The following PKNOX2 variants were observed in gnomAD, a reference collection of about 807,000 sequenced individuals.
The protein encoded by PKNOX2 is PBX/knotted 1 homeobox 2, also known as homeobox protein PKNOX2.
Under a neutral mutation model 53.1 loss-of-function variants are expected in PKNOX2, and 14 were observed. The ratio of observed to expected loss-of-function variants is 0.26; its 90% CI spans 0.17 to 0.41. The LOEUF (loss-of-function observed/expected upper bound fraction) is 0.41. Ranked by LOEUF, PKNOX2 falls within the 10% of genes least tolerant of loss-of-function variation. The probability of loss-of-function intolerance (pLI) is 1.00; values close to 1 mark genes in which losing one functional copy is unlikely to be tolerated. For missense variants in PKNOX2, 496 were observed against 602.8 expected, an observed-to-expected ratio of 0.82 and a Z score of 1.85; for synonymous variants, 257 against 242.8, an observed-to-expected ratio of 1.06 and a Z score of -0.54.
At chr11:125,408,242 G>A (rs918378810) in intron 7 of PKNOX2, among the ~76,000 whole-genome samples, 26 of 152,222 alleles carry the variant, frequency 1.7e-4, no homozygotes, top group African/African-American at 5.8e-4. Flanking sequence ...GCTTCCAGGG[G>A]CTCTTCCAGT....
intron 2 of PKNOX2, among the ~76,000 whole-genome samples, chr11:125,299,930 T>C (rs771775096): frequency 1.1e-4 from 16 of 152,360 alleles, no homozygotes; most frequent in Non-Finnish European, 1.9e-4. Flanking sequence ...CCCTGTCTGC[T>C]GCCCCTCACG....
chr11:125,257,486 G>C (rs907586782), intron 2 of PKNOX2, among the ~76,000 whole-genome samples: 2 of 152,204 alleles, frequency 1.3e-5, no homozygotes, highest in Admixed American at 1.3e-4. Flanking sequence ...GTTTATTCCA[G>C]CAATGGTTAG....
At chr11:125,292,127 C>T (rs1442604919) in intron 2 of PKNOX2, among the ~76,000 whole-genome samples, 1 of 152,118 alleles carries the variant, frequency 6.6e-6, no homozygotes, top group Non-Finnish European at 1.5e-5. Flanking sequence ...GAAGACCTAC[C>T]CATCATACTT....
At chr11:125,226,431 T>C (rs1941699092) in intron 1 of PKNOX2, among the ~76,000 whole-genome samples, 1 of 152,162 alleles carries the variant, frequency 6.6e-6, no homozygotes, top group Non-Finnish European at 1.5e-5. Context: ...ACCTTAAGGT[T>C]CTTCTTGCTC....
intron 5 of PKNOX2, among the ~76,000 whole-genome samples, chr11:125,383,129 G>A (rs1953368336): frequency 6.6e-6 from 1 of 152,164 alleles, no homozygotes; most frequent in Non-Finnish European, 1.5e-5. Context: ...CATAAAATGC[G>A]AGTGTGAGTG....
At chr11:125,201,234 A>C (rs115831323) in intron 1 of PKNOX2, among the ~76,000 whole-genome samples, 1,861 of 151,772 alleles carry the variant, frequency 0.012, 35 homozygotes, top group African/African-American at 0.042. Context: ...TCCACTTTCC[A>C]GTGGGGTTTG....
chr11:125,378,266 C>T (rs1591548508), intron 5 of PKNOX2, among the ~76,000 whole-genome samples: 1 of 152,256 alleles, frequency 6.6e-6, no homozygotes. Context: ...CAGAGCGCCA[C>T]CGATCCCTGC....
At chr11:125,397,328 G>A (rs1257241012) in intron 6 of PKNOX2, among the ~76,000 whole-genome samples, 2 of 152,234 alleles carry the variant, frequency 1.3e-5, no homozygotes, top group Non-Finnish European at 2.9e-5. Flanking sequence ...AGAATAGACA[G>A]TCCCTGAGCT....
At chr11:125,255,185 G>A (rs1040296038) in intron 2 of PKNOX2, among the ~76,000 whole-genome samples, 3 of 152,284 alleles carry the variant, frequency 2.0e-5, no homozygotes, top group Middle Eastern at 3.4e-3. Context: ...ATCAAAAATC[G>A]GCATTGTGAA....
chr11:125,390,771 C>T (rs1954001269), intron 6 of PKNOX2, among the ~76,000 whole-genome samples: 1 of 152,242 alleles, frequency 6.6e-6, no homozygotes, highest in Non-Finnish European at 1.5e-5. Flanking sequence ...CCACTTCTTT[C>T]CCAAATTCTG....
At chr11:125,177,103 A>T (rs1955766925) in intron 1 of PKNOX2, among the ~76,000 whole-genome samples, 1 of 152,208 alleles carries the variant, frequency 6.6e-6, no homozygotes, top group South Asian at 2.1e-4. Flanking sequence ...GCTCAGCACC[A>T]GCCACAGGGG....
chr11:125,371,436 G>T (rs1952539317), intron 5 of PKNOX2, among the ~76,000 whole-genome samples: 1 of 152,140 alleles, frequency 6.6e-6, no homozygotes, highest in Non-Finnish European at 1.5e-5. Context: ...GCCCATGCTG[G>T]TGAGGAGTCC....
rs192121733 is a variant in PKNOX2 at position 125,429,220 on chromosome 11, C to T, written c.1013+132C>T. 4.6e-6 allele frequency: 4 copies of T among 862,974 alleles called. No individual in the cohort carries two copies. In the East Asian group the frequency reaches 1.1e-4, roughly 24 times the overall value. 53.5% of individuals were successfully genotyped at this position (862,974 alleles called of 1,614,324 possible). On this transcript the variant is annotated intron_variant, in intron 11 of 12. Coordinates refer to ENST00000298282, the MANE Select transcript of PKNOX2 (RefSeq NM_001382323.2). ...TCTCAGCCCAGCTACCATGCCAGTC[C>T]CCCCATTTAGGCTAGAAGCAGAAAG...
chr11:125,226,392 A>C (rs1941695154), intron 1 of PKNOX2, among the ~76,000 whole-genome samples: 1 of 152,184 alleles, frequency 6.6e-6, no homozygotes, highest in South Asian at 2.1e-4. Flanking sequence ...ATTCTGGGTA[A>C]AATTTCCAGG....
rs1565462269 is a variant in PKNOX2, at chr11:125,178,580, AGGAAGGAAG to A, written c.-201+13806_-201+13814del. ...AAGGAAGGAACGAAGGAAGGAAGGA[AGGAAGGAAG>A]GAAGGAAGGAAGGAAGGAAGGAAAG... On this transcript the variant is annotated intron_variant, in intron 1 of 12. Transcript: ENST00000298282. Among the ~76,000 whole-genome samples the A allele has an allele frequency of 7.1e-3, 240 of 33,740 alleles. 15 individuals are homozygous for A. Among genetic ancestry groups the A allele is most frequent in the Middle Eastern group, 8.1e-3 (1 of 124 alleles). The allele number at this position is 33,740 out of a possible 152,430, so 22.1% of individuals were successfully genotyped here. A position where few individuals can be genotyped will look rare whatever the true frequency, so the allele number is the denominator to read the frequency against.
chr11:125,253,832 C>T (rs1231547372), intron 2 of PKNOX2, among the ~76,000 whole-genome samples: 1 of 152,108 alleles, frequency 6.6e-6, no homozygotes, highest in Non-Finnish European at 1.5e-5. Context: ...GCAGGAGCAG[C>T]CAGGCGTCTA....
intron 5 of PKNOX2, among the ~76,000 whole-genome samples, chr11:125,378,439 C>T (rs750113797): frequency 6.6e-5 from 10 of 152,220 alleles, no homozygotes; most frequent in Admixed American, 1.3e-4. Context: ...CTTGGCCCAA[C>T]AGGAAGAGAC....
chr11:125,320,307 G>C (rs953523402), intron 2 of PKNOX2, among the ~76,000 whole-genome samples: 11 of 152,130 alleles, frequency 7.2e-5, no homozygotes, highest in African/African-American at 2.7e-4. Flanking sequence ...AGGAGGTTAC[G>C]ACCACTTTGA....
chr11:125,310,931 G>A (rs183670395), intron 2 of PKNOX2, among the ~76,000 whole-genome samples: 32 of 151,900 alleles, frequency 2.1e-4, no homozygotes, highest in African/African-American at 6.3e-4. Flanking sequence ...TGTCTGCCCC[G>A]GGATATAGCT....
Sources: gnomAD v4.1 joint callset for allele counts (sites outside exome capture counted in the v4.1 genomes callset) on GRCh38, gnomAD v4.1.1 for gene constraint, MANE v1.5 for transcripts, NCBI Gene and HGNC (gene_info 2026-07-23, HGNC 2026-07-21) for gene names.